PRSS50: variants seen among roughly 807,000 people sequenced by gnomAD.
PRSS50 encodes serine protease 50.
A neutral mutation model predicts 34.2 loss-of-function variants in PRSS50; 23 were observed. The observed-to-expected ratio is 0.67, with a 90% CI of 0.48 to 0.95. The LOEUF is 0.95. PRSS50 is among the 40% of genes least tolerant of loss of function. PRSS50 has a pLI of 0.00. For synonymous variants in PRSS50, 224 were observed against 211.2 expected, an observed-to-expected ratio of 1.06 and a Z score of -0.53; for missense variants, 484 against 513.4, an observed-to-expected ratio of 0.94 and a Z score of 0.55.
In PRSS50 at chr3:46,716,171, CA is replaced by C. The variant is rs1323488207; in HGVS notation, c.308-475del. 3.9e-5 allele frequency among the ~76,000 whole-genome samples: 6 copies of C among 152,208 alleles called. No individual in the cohort carries two copies. The highest frequency in any genetic ancestry group is 1.4e-4 in the African/African-American group (6 of 41,446). Reference sequence around the variant, plus strand: ...TGGGCATAGTCCAAGGAGAAAATCCCAGTAGCCAATGACCACAGAAGCTGCT... The same window carrying C: ...TGGGCATAGTCCAAGGAGAAAATCCCGTAGCCAATGACCACAGAAGCTGCT... On this transcript the variant is annotated intron_variant, in intron 2 of 5. Transcript: ENST00000315170. The surrounding 1 kb of genome is among the most constrained non-coding windows in gnomAD (Gnocchi z 4.4).
In PRSS50 at chr3:46,717,680, C is replaced by T. The variant is rs778997464; in HGVS notation, c.106+39G>A. 8.7e-6 allele frequency: 14 copies of T among 1,601,036 alleles called. No homozygotes were observed. The highest frequency in any genetic ancestry group is 1.2e-5 in the Non-Finnish European group (14 of 1,174,052). Reference sequence around the variant, plus strand: ...CGGATTAGAGGTGGAAGGCGAGGGCCGCGTCAGGCGGGTGGGGTAGGGATC... The same window carrying T: ...CGGATTAGAGGTGGAAGGCGAGGGCTGCGTCAGGCGGGTGGGGTAGGGATC... On this transcript the variant is annotated intron_variant, in intron 1 of 5. Transcript: ENST00000315170. This position sits in a 1 kb window ranked among gnomAD's most constrained non-coding sequence, Gnocchi z 4.5.
chr3:46,712,761 A>G, intron 5 of PRSS50, 140 bp downstream of exon 5: 1 of 774,172 alleles, frequency 1.3e-6, no homozygotes, highest in Non-Finnish European at 1.8e-6. Flanking sequence ...GTCTCCCCCG[A>G]CATCCTCCAT....
At chr3:46,712,759 C>T (rs1454050642) in intron 5 of PRSS50, 142 bp downstream of exon 5, 47 of 995,376 alleles carry the variant, frequency 4.7e-5, no homozygotes, top group Middle Eastern at 3.3e-4. Flanking sequence ...CAGTCTCCCC[C>T]GACATCCTCC....
chr3:46,714,567 C>CT, intron 3 of PRSS50, 66 bp from the exon 4 acceptor site: 1 of 1,466,760 alleles, frequency 6.8e-7, no homozygotes, highest in Non-Finnish European at 9.0e-7. Context: ...CCAGCCTGGG[C>CT]CTTCCCCCAC....
intron 3 of PRSS50, among the ~76,000 whole-genome samples, chr3:46,714,941 C>T (rs888513262): frequency 2.0e-5 from 3 of 152,210 alleles, no homozygotes; most frequent in Non-Finnish European, 2.9e-5. Context: ...CCCGGGGTAC[C>T]CCTTGGAGTC....
At position 46,715,219 on chromosome 3, in the gene PRSS50, G is replaced by C. The variant is rs746260937; in HGVS notation, c.470+316C>G. On this transcript the variant is annotated intron_variant, in intron 3 of 5. Coordinates refer to ENST00000315170, the MANE Select transcript of PRSS50 (RefSeq NM_013270.5). This position sits in a 1 kb window ranked among gnomAD's most constrained non-coding sequence, Gnocchi z 5.2. ...GAGGAACAAGGATGTGGGTGCAAAG[G>C]GGGTGAAATGAAAGAACTAGGAGCT... Among the ~76,000 whole-genome samples the C allele has an allele frequency of 6.6e-6, 1 of 152,238 alleles. No individual in the cohort carries two copies. Among genetic ancestry groups the C allele is most frequent in the Non-Finnish European group, 1.5e-5 (1 of 68,044 alleles).
chr3:46,714,510 G>A lies in PRSS50; in HGVS notation c.471-9C>T, dbSNP rs541103621. On this transcript the variant is annotated splice_polypyrimidine_tract_variant and intron_variant, in intron 3 of 5. Coordinates refer to ENST00000315170, the MANE Select transcript of PRSS50 (RefSeq NM_013270.5). The stretch of plus-strand genomic sequence containing the variant: ...AGTAGATAACATCACGCCTAGGGGG[G>A]CCGTGAGGGGAGGCCATGATCAGCT... 86 of 1,563,532 alleles carry A rather than the reference G, an allele frequency of 5.5e-5. No individual in the cohort carries two copies. Among genetic ancestry groups the A allele is most frequent in the Admixed American group, 2.5e-4 (14 of 56,158 alleles).
chr3:46,712,169 G>T lies in PRSS50; in HGVS notation c.*77C>A. 1 of 1,255,540 alleles carries T rather than the reference G, an allele frequency of 8.0e-7. No homozygotes were observed. Among genetic ancestry groups the T allele is most frequent in the African/African-American group, 1.5e-5 (1 of 67,322 alleles). The allele number at this position is 1,255,540 out of a possible 1,614,324, so 77.8% of individuals were successfully genotyped here. A position where few individuals can be genotyped will look rare whatever the true frequency, so the allele number is the denominator to read the frequency against. On this transcript the variant is annotated 3_prime_UTR_variant, in exon 6 of 6. Coordinates refer to ENST00000315170, the MANE Select transcript of PRSS50 (RefSeq NM_013270.5). ...CACCTCATCTCCACCCTGACTCTCA[G>T]GGCTGTGACAGCTGCACCCACAGCA...
chr3:46,717,868 G>T lies in PRSS50; in HGVS notation c.-44C>A. 7.0e-7 allele frequency: 1 copy of T among 1,420,108 alleles called. No individual in the cohort carries two copies. Among genetic ancestry groups the T allele is most frequent in the Non-Finnish European group, 9.2e-7 (1 of 1,082,282 alleles). 88.0% of individuals were successfully genotyped at this position (1,420,108 alleles called of 1,614,324 possible). On this transcript the variant is annotated 5_prime_UTR_variant, in exon 1 of 6. It adds an upstream start codon to the 5' untranslated region. Coordinates refer to ENST00000315170, the MANE Select transcript of PRSS50 (RefSeq NM_013270.5). This position sits in a 1 kb window ranked among gnomAD's most constrained non-coding sequence, Gnocchi z 4.5. ...TGCGTCTCTCCGGAAGGCGCTCCCA[G>T]TGCCGCCCCCACGACGGCGCCCCCT...
Position 46,715,508 on chromosome 3 carries a change from A to C in PRSS50, c.470+27T>G, listed in dbSNP as rs1700669015. 2 of 1,597,440 alleles carry C rather than the reference A, an allele frequency of 1.3e-6. No individual in the cohort carries two copies. Among genetic ancestry groups the C allele is most frequent in the African/African-American group, 2.7e-5 (2 of 74,694 alleles). On this transcript the variant is annotated intron_variant, in intron 3 of 5. Transcript: ENST00000315170. This position sits in a 1 kb window ranked among gnomAD's most constrained non-coding sequence, Gnocchi z 5.2. ...CCACAGCAGCTCCAAATACCTCTCCACCCACCCCACCTCAGCCTTGACTCA... is the reference window on the plus strand; with the variant it reads ...CCACAGCAGCTCCAAATACCTCTCCCCCCACCCCACCTCAGCCTTGACTCA...
At position 46,716,510 on chromosome 3, in the gene PRSS50, T is replaced by C. The variant is rs1575472896; in HGVS notation, c.308-813A>G. 6.6e-6 allele frequency among the ~76,000 whole-genome samples: 1 copy of C among 152,178 alleles called. No individual in the cohort carries two copies. Among genetic ancestry groups the C allele is most frequent in the East Asian group, 1.9e-4 (1 of 5,198 alleles). ...AACTCCTGACCTCAAGTGATCTTAC[T>C]GCCTCAGCCTCCAAAAGCGCTGGGA... On this transcript the variant is annotated intron_variant, in intron 2 of 5. Coordinates refer to ENST00000315170, the MANE Select transcript of PRSS50 (RefSeq NM_013270.5). The surrounding 1 kb of genome is among the most constrained non-coding windows in gnomAD (Gnocchi z 4.4).
chr3:46,712,814 C>T lies in PRSS50; in HGVS notation c.921+87G>A, dbSNP rs1277150313. On this transcript the variant is annotated intron_variant, in intron 5 of 5. Coordinates refer to ENST00000315170, the MANE Select transcript of PRSS50 (RefSeq NM_013270.5). ...CTGCCCACCCCCTTCCCTTCCCCTA[C>T]CCAACCTCCACCGTTCCGCTCTCCC... is the stretch of plus-strand genomic sequence containing the variant. 8 of 1,186,106 alleles carry T rather than the reference C, an allele frequency of 6.7e-6. No homozygotes were observed. In the African/African-American group the frequency reaches 7.6e-5, roughly 11 times the overall value. 73.5% of individuals were successfully genotyped at this position (1,186,106 alleles called of 1,614,324 possible). A position where few individuals can be genotyped will look rare whatever the true frequency, so the allele number is the denominator to read the frequency against.
chr3:46,716,402 C>A lies in PRSS50; in HGVS notation c.308-705G>T, dbSNP rs927495988. ...TCCTGAATAGCTGGGACTACAGGCACACACAACCACACCCAGCTAATTTTT... is the reference window on the plus strand; with the variant it reads ...TCCTGAATAGCTGGGACTACAGGCAAACACAACCACACCCAGCTAATTTTT... On this transcript the variant is annotated intron_variant, in intron 2 of 5. Coordinates refer to ENST00000315170, the MANE Select transcript of PRSS50 (RefSeq NM_013270.5). This position sits in a 1 kb window ranked among gnomAD's most constrained non-coding sequence, Gnocchi z 4.4. 6.6e-6 allele frequency among the ~76,000 whole-genome samples: 1 copy of A among 152,124 alleles called. No individual in the cohort carries two copies. The highest frequency in any genetic ancestry group is 1.5e-5 in the Non-Finnish European group (1 of 68,024).
chr3:46,714,166 C>A (rs573888318), intron 4 of PRSS50, 52 bp downstream of exon 4: 4 of 1,582,070 alleles, frequency 2.5e-6, no homozygotes, highest in African/African-American at 2.7e-5. Flanking sequence ...CTGGCCTGCA[C>A]CCACGTCCTT....
At position 46,715,599 on chromosome 3, in the gene PRSS50, G is replaced by T. The variant is rs767742381; in HGVS notation, c.406C>A (p.His136Asn). The T allele has an allele frequency of 2.5e-6, 4 of 1,613,776 alleles. No homozygotes were observed. The South Asian group carries it at 4.4e-5, about 18-fold the overall frequency. ...GCAATGATGGTGCCGGCACAGATGT[G>T]TGTGCCATTGGCCCGCACGCTGACC... Reference protein sequence around the residue: ...WMVSVRANGTHICAGTIIASQ... With the variant: ...WMVSVRANGTNICAGTIIASQ... Residue 136 changes from histidine to asparagine, a missense_variant, in exon 3 of 6, where the codon CAC (histidine) becomes AAC (asparagine). Physicochemically the swap from His to Asn is moderately conservative, Grantham distance 68 (BLOSUM62 1). Transcript: ENST00000315170. The surrounding 1 kb of genome is among the most constrained non-coding windows in gnomAD (Gnocchi z 5.2).
Position 46,717,631 on chromosome 3 carries a change from C to G in PRSS50, c.113G>C (p.Trp38Ser), listed in dbSNP as rs1349572204. 6.2e-7 allele frequency: 1 copy of G among 1,612,618 alleles called. No homozygotes were observed. The highest frequency in any genetic ancestry group is 1.3e-5 in the African/African-American group (1 of 74,922). The change falls in exon 2 of 6, where the codon TGG (tryptophan) becomes TCG (serine). Residue 38 changes from tryptophan to serine, a missense_variant. Coordinates refer to ENST00000315170, the MANE Select transcript of PRSS50 (RefSeq NM_013270.5). The surrounding 1 kb of genome is among the most constrained non-coding windows in gnomAD (Gnocchi z 4.5). ...CGCCCCCGGGGCTTCCCCTGCGCCC[C>G]AGCAACCTGCGGAGGACGTCGAGCG... ...LLLLLRSAGC[W>S]GAGEAPGALS...
chr3:46,714,499 C>A lies in PRSS50; in HGVS notation c.473G>T (p.Arg158Leu). The A allele has an allele frequency of 6.3e-7, 1 of 1,581,444 alleles. No homozygotes were observed. Among genetic ancestry groups the A allele is most frequent in the South Asian group, 1.1e-5 (1 of 87,730 alleles). Residue 158 changes from arginine (R) to leucine (L), a missense_variant and splice_region_variant, in exon 4 of 6, where the codon CGT (arginine) becomes CTT (leucine). Arg to Leu is a moderately radical substitution (Grantham distance 102, BLOSUM62 -2). Coordinates refer to ENST00000315170, the MANE Select transcript of PRSS50 (RefSeq NM_013270.5). The part of the protein sequence containing the change: ...VLTVAHCLIW[R>L]DVIYSVRVGS... ...CACCCTCACTGAGTAGATAACATCACGCCTAGGGGGGCCGTGAGGGGAGGC... is the reference window on the plus strand; with the variant it reads ...CACCCTCACTGAGTAGATAACATCAAGCCTAGGGGGGCCGTGAGGGGAGGC...
In PRSS50 at chr3:46,717,785, G is replaced by A. The variant is rs375716386; in HGVS notation, c.40C>T (p.Pro14Ser). 112 of 1,559,324 alleles carry A rather than the reference G, an allele frequency of 7.2e-5. No individual in the cohort carries two copies. The African/African-American group carries it at 1.4e-3, about 20-fold the overall frequency. Residue 14 changes from proline to serine, a missense_variant, in exon 1 of 6, where the codon CCC becomes TCC. Pro to Ser is a moderately conservative substitution (Grantham distance 74). Transcript: ENST00000315170. This position sits in a 1 kb window ranked among gnomAD's most constrained non-coding sequence, Gnocchi z 4.5. ...GCGCGGGAGGGGGCAGACGTCCGGGGGCGCTGCCCGCGCGCGACGGTCTGG... is the reference window on the plus strand; with the variant it reads ...GCGCGGGAGGGGGCAGACGTCCGGGAGCGCTGCCCGCGCGCGACGGTCTGG... ...WCQTVARGQRPRTSAPSRAGA... is the reference protein window; with the variant it reads ...WCQTVARGQRSRTSAPSRAGA...
rs1700689559 is a variant in PRSS50 at position 46,716,767 on chromosome 3, C to T, written c.307+670G>A. Among the ~76,000 whole-genome samples, 1 of 152,196 alleles carries T rather than the reference C, an allele frequency of 6.6e-6. No individual in the cohort carries two copies. The highest frequency in any genetic ancestry group is 2.4e-5 in the African/African-American group (1 of 41,436). ...CACATATCCAACATCTCAGGAGTCCCATTCCTAGTGTTTTCCAAATGGATT... is the reference window on the plus strand; with the variant it reads ...CACATATCCAACATCTCAGGAGTCCTATTCCTAGTGTTTTCCAAATGGATT... On this transcript the variant is annotated intron_variant, in intron 2 of 5. Transcript: ENST00000315170. The surrounding 1 kb of genome is among the most constrained non-coding windows in gnomAD (Gnocchi z 4.4).
Sources: gnomAD v4.1 joint callset for allele counts (sites outside exome capture counted in the v4.1 genomes callset) on GRCh38, gnomAD v4.1.1 for gene constraint, Gnocchi (gnomAD v3.1) non-coding constraint, MANE v1.5 for transcripts, NCBI Gene and HGNC (gene_info 2026-07-23, HGNC 2026-07-21) for gene names.